DPP10: variants seen among roughly 807,000 people sequenced by gnomAD.
DPP10 encodes dipeptidyl peptidase like 10, also known as inactive dipeptidyl peptidase 10.
Under a neutral mutation model 120.9 loss-of-function variants are expected in DPP10, and 33 were observed. That is an observed-to-expected ratio of 0.27 (90% CI 0.21 to 0.37). The LOEUF is 0.37. Ranked by LOEUF, DPP10 falls within the 10% of genes least tolerant of loss-of-function variation. DPP10 has a pLI of 1.00. For missense variants in DPP10, 816 were observed against 942.8 expected (o/e 0.87, Z 1.76); for synonymous variants, 337 against 326.1 (o/e 1.03, Z -0.36).
intron 1 of DPP10, among the ~76,000 whole-genome samples, chr2:114,825,354 G>A (rs1445594929): frequency 6.6e-6 from 1 of 152,206 alleles, no homozygotes; most frequent in Non-Finnish European, 1.5e-5. Context: ...AGTCTGCTTT[G>A]CCTTTGAGAG....
At chr2:114,801,557 A>G (rs898577066) in intron 1 of DPP10, among the ~76,000 whole-genome samples, 3 of 152,192 alleles carry the variant, frequency 2.0e-5, no homozygotes, top group Non-Finnish European at 2.9e-5. Context: ...TAGGAAGGAT[A>G]ACGTCTGCAT....
At chr2:114,644,825 G>A (rs899641641) in intron 1 of DPP10, among the ~76,000 whole-genome samples, 14 of 151,906 alleles carry the variant, frequency 9.2e-5, no homozygotes, top group South Asian at 2.1e-4. Flanking sequence ...GTTAGAGGAC[G>A]TGCTACTAAC....
Position 115,023,188 on chromosome 2 carries a change from A to G in DPP10, c.61-286051A>G, listed in dbSNP as rs545618942. Among the ~76,000 whole-genome samples, 3 of 152,304 alleles carry G rather than the reference A, an allele frequency of 2.0e-5. No homozygotes were observed. In the East Asian group the frequency reaches 5.8e-4, roughly 29 times the overall value. Reference sequence around the variant, plus strand: ...CTAAAAACCTTCTGCACAGCAAAAGAAATAATCAGCAAAGTAAACCGACAA... The same window carrying G: ...CTAAAAACCTTCTGCACAGCAAAAGGAATAATCAGCAAAGTAAACCGACAA... On this transcript the variant is annotated intron_variant, in intron 1 of 25. Coordinates refer to ENST00000410059, the MANE Select transcript of DPP10 (RefSeq NM_020868.6).
At chr2:114,989,612 A>T (rs973614490) in intron 1 of DPP10, among the ~76,000 whole-genome samples, 2 of 152,230 alleles carry the variant, frequency 1.3e-5, no homozygotes, top group African/African-American at 4.8e-5. Context: ...TAACAGAGGT[A>T]TAGAGAATCT....
intron 5 of DPP10, among the ~76,000 whole-genome samples, chr2:115,621,969 C>T (rs1045916132): frequency 7.9e-5 from 12 of 152,278 alleles, no homozygotes; most frequent in African/African-American, 1.2e-4. Context: ...TGAGCCACCA[C>T]GCCCAGCCAC....
intron 3 of DPP10, among the ~76,000 whole-genome samples, chr2:115,487,016 T>C (rs1252656218): frequency 6.6e-6 from 1 of 152,184 alleles, no homozygotes. Context: ...ACTTTTTAGG[T>C]AAATGCTTTT....
Position 114,562,167 on chromosome 2 carries a change from T to C in DPP10, c.60+119329T>C, listed in dbSNP as rs7580608. Among the ~76,000 whole-genome samples the C allele has an allele frequency of 9.8e-3, 1,499 of 152,350 alleles. 20 individuals are homozygous for C. The highest frequency in any genetic ancestry group is 0.034 in the African/African-American group (1,396 of 41,586). On this transcript the variant is annotated intron_variant, in intron 1 of 25. Transcript: ENST00000410059. ...CAGCTGAAAGTTGGAGGAAATTCTG[T>C]TTCAGATTCTAAGAAAATAAACAAA...
chr2:115,568,239 C>T (rs1467417047), intron 5 of DPP10, among the ~76,000 whole-genome samples: 1 of 150,818 alleles, frequency 6.6e-6, no homozygotes, highest in Admixed American at 6.6e-5. Context: ...AATCCCAGCA[C>T]TGTGGGAGAC....
rs542397068 is a variant in DPP10 at position 115,113,441 on chromosome 2, T to C, written c.61-195798T>C. ...TATCTTAGACACGTTTTTTGCTCTTTTTTGCCCATAAGAATCCTCCTCCCC... is the reference window on the plus strand; with the variant it reads ...TATCTTAGACACGTTTTTTGCTCTTCTTTGCCCATAAGAATCCTCCTCCCC... On this transcript the variant is annotated intron_variant, in intron 1 of 25. Coordinates refer to ENST00000410059, the MANE Select transcript of DPP10 (RefSeq NM_020868.6). 1.0e-3 allele frequency among the ~76,000 whole-genome samples: 152 copies of C among 152,184 alleles called. 2 individuals carry two copies. The highest frequency in any genetic ancestry group is 1.8e-3 in the Admixed American group (27 of 15,260).
At chr2:114,926,705 T>G (rs1405259785) in intron 1 of DPP10, among the ~76,000 whole-genome samples, 1 of 152,092 alleles carries the variant, frequency 6.6e-6, no homozygotes. Context: ...TAATATGGAA[T>G]CACACCCCTG....
intron 9 of DPP10, among the ~76,000 whole-genome samples, chr2:115,745,199 T>G (rs546133232): frequency 6.7e-6 from 1 of 148,954 alleles, no homozygotes; most frequent in African/African-American, 2.4e-5. Flanking sequence ...ACATCCTGGG[T>G]TTAAATACTA....
At chr2:114,772,890 A>T (rs944810410) in intron 1 of DPP10, among the ~76,000 whole-genome samples, 2 of 152,212 alleles carry the variant, frequency 1.3e-5, no homozygotes, top group Admixed American at 6.5e-5. Flanking sequence ...GGGTTCCAGC[A>T]GATACTTAAG....
At chr2:114,622,837 G>A (rs1288514580) in intron 1 of DPP10, among the ~76,000 whole-genome samples, 1 of 152,120 alleles carries the variant, frequency 6.6e-6, no homozygotes, top group Non-Finnish European at 1.5e-5. Context: ...GGGACAGAAA[G>A]ATTTGGGCAC....
At chr2:115,506,110 T>C (rs1285851081) in intron 4 of DPP10, among the ~76,000 whole-genome samples, 1 of 152,114 alleles carries the variant, frequency 6.6e-6, no homozygotes, top group Non-Finnish European at 1.5e-5. Context: ...AAATAATTTT[T>C]CCCTTCTTTT....
intron 11 of DPP10, among the ~76,000 whole-genome samples, chr2:115,755,340 T>C (rs1292250689): frequency 1.3e-5 from 2 of 152,082 alleles, no homozygotes; most frequent in African/African-American, 4.8e-5. Context: ...AAACATTGAA[T>C]AGACAATTCA....
intron 1 of DPP10, among the ~76,000 whole-genome samples, chr2:115,093,987 G>A (rs1709508133): frequency 6.6e-6 from 1 of 151,976 alleles, no homozygotes; most frequent in Non-Finnish European, 1.5e-5. Flanking sequence ...GATAGTATAG[G>A]AATTAATGTC....
At chr2:115,102,199 G>A (rs1173721700) in intron 1 of DPP10, among the ~76,000 whole-genome samples, 1 of 152,146 alleles carries the variant, frequency 6.6e-6, no homozygotes, top group Non-Finnish European at 1.5e-5. Flanking sequence ...TCCTCACAGG[G>A]CAGAGAGAGT....
chr2:115,174,027 G>A (rs1182580044), intron 1 of DPP10, among the ~76,000 whole-genome samples: 2 of 152,190 alleles, frequency 1.3e-5, no homozygotes, highest in African/African-American at 2.4e-5. Context: ...AGAAAAAATT[G>A]ATGAGAATGT....
At chr2:115,339,534 T>C (rs2063335787) in intron 2 of DPP10, among the ~76,000 whole-genome samples, 1 of 152,168 alleles carries the variant, frequency 6.6e-6, no homozygotes, top group Admixed American at 6.6e-5. Flanking sequence ...ATTTTTAATA[T>C]CCCCAAACCA....
Sources: allele counts gnomAD v4.1 joint callset (sites outside exome capture counted in the v4.1 genomes callset), GRCh38; gene constraint gnomAD v4.1.1; transcripts MANE v1.5; gene names NCBI Gene and HGNC (gene_info 2026-07-23, HGNC 2026-07-21).